Variants in ZNF521 observed in about 807,000 individuals in gnomAD.
ZNF521 encodes the protein zinc finger protein 521.
ZNF521 carries 14 observed loss-of-function variants against 105.5 expected under a neutral mutation model. That is an observed-to-expected ratio of 0.13 (90% confidence interval 0.09 to 0.21). ZNF521 has a LOEUF of 0.21. Ranked by LOEUF, ZNF521 falls within the 10% of genes least tolerant of loss-of-function variation. The pLI is 1.00. For synonymous variants in ZNF521, 635 were observed against 606.0 expected (o/e 1.05, Z -0.70); for missense variants, 1,233 against 1,629.7 (o/e 0.76, Z 4.19).
At chr18:25,076,395 T>A (rs1482232970) in intron 7 of ZNF521, among the ~76,000 whole-genome samples, 3 of 152,216 alleles carry the variant, frequency 2.0e-5, no homozygotes, top group Non-Finnish European at 4.4e-5. Context: ...ACGCAATGGA[T>A]GTGAAACTTA....
At chr18:25,218,991 G>A (rs985391840) in intron 4 of ZNF521, among the ~76,000 whole-genome samples, 97 of 151,956 alleles carry the variant, frequency 6.4e-4, no homozygotes, top group African/African-American at 2.2e-3. Flanking sequence ...TGCAGCCTAC[G>A]CAACTTGAAG....
At chr18:25,197,401 A>C (rs1341236434) in intron 4 of ZNF521, among the ~76,000 whole-genome samples, 1 of 151,912 alleles carries the variant, frequency 6.6e-6, no homozygotes, top group Non-Finnish European at 1.5e-5. Flanking sequence ...GGATGTGTTA[A>C]GGGTTTTCTT....
At chr18:25,212,914 A>C (rs896955473) in intron 4 of ZNF521, among the ~76,000 whole-genome samples, 17 of 151,574 alleles carry the variant, frequency 1.1e-4, no homozygotes, top group African/African-American at 4.1e-4. Context: ...CAACTTTGCT[A>C]AAGTTTTATT....
intron 4 of ZNF521, among the ~76,000 whole-genome samples, chr18:25,212,240 G>A (rs1337930500): frequency 6.6e-6 from 1 of 151,696 alleles, no homozygotes; most frequent in Non-Finnish European, 1.5e-5. Context: ...GGCCGGGCAT[G>A]GTGGCTCACG....
At chr18:25,322,380 G>A in intron 2 of ZNF521, 193 bp from the exon 3 acceptor site, 1 of 718,670 alleles carries the variant, frequency 1.4e-6, no homozygotes, top group East Asian at 2.6e-5. Context: ...GACTATCAAA[G>A]GCCTTCTTCC....
Position 25,352,121 on chromosome 18 carries a change from TCG to T in ZNF521, c.-120_-119del. 1 of 469,298 alleles carries T rather than the reference TCG, an allele frequency of 2.1e-6. No individual in the cohort carries two copies. Among genetic ancestry groups the T allele is most frequent in the South Asian group, 1.5e-5 (1 of 64,620 alleles). 29.1% of individuals were successfully genotyped at this position (469,298 alleles called of 1,614,324 possible). A position where few individuals can be genotyped will look rare whatever the true frequency, so the allele number is the denominator to read the frequency against. On this transcript the variant is annotated 5_prime_UTR_variant, in exon 1 of 8. Coordinates refer to ENST00000361524, the MANE Select transcript of ZNF521 (RefSeq NM_015461.3). ...GAGGGGGCCCCTAACCCGCAGGGAC[TCG>T]CTCTGTACGTAATCACTGAGGAAAT...
chr18:25,241,116 C>A (rs1295539173), intron 3 of ZNF521, among the ~76,000 whole-genome samples: 1 of 152,140 alleles, frequency 6.6e-6, no homozygotes, highest in Non-Finnish European at 1.5e-5. Flanking sequence ...TACCCCAGCA[C>A]CCCATGGGCT....
intron 3 of ZNF521, among the ~76,000 whole-genome samples, chr18:25,304,490 C>A (rs1386252266): frequency 6.6e-6 from 1 of 152,196 alleles, no homozygotes; most frequent in Non-Finnish European, 1.5e-5. Context: ...GCACTTTTTA[C>A]ACACACAGTG....
chr18:25,174,183 G>A (rs1359409740), intron 5 of ZNF521, among the ~76,000 whole-genome samples: 1 of 152,024 alleles, frequency 6.6e-6, no homozygotes, highest in Non-Finnish European at 1.5e-5. Flanking sequence ...CAAAAAATCA[G>A]ATCAGTAATT....
intron 2 of ZNF521, among the ~76,000 whole-genome samples, chr18:25,339,894 C>T (rs1340162946): frequency 6.6e-6 from 1 of 152,096 alleles, no homozygotes; most frequent in East Asian, 1.9e-4. Flanking sequence ...ATTACAACAC[C>T]GACTTGAAAA....
chr18:25,306,854 G>GA (rs11445167), intron 3 of ZNF521, among the ~76,000 whole-genome samples: 126,961 of 145,524 alleles, frequency 0.87, 56,760 homozygotes, highest in Non-Finnish European at 0.97. Context: ...CACAATTCAA[G>GA]AAAAAAAAAA....
intron 3 of ZNF521, among the ~76,000 whole-genome samples, chr18:25,263,935 T>A (rs1218123192): frequency 6.6e-6 from 1 of 152,236 alleles, no homozygotes; most frequent in Non-Finnish European, 1.5e-5. Context: ...TATTAGCTTT[T>A]TCATTAGAAT....
chr18:25,317,193 G>GT (rs35063484), intron 3 of ZNF521, among the ~76,000 whole-genome samples: 53,453 of 151,700 alleles, frequency 0.35, 9,581 homozygotes, highest in Admixed American at 0.38. Context: ...GCTGTAGTAT[G>GT]TGACCACAGA....
chr18:25,321,762 A>AT (rs1912944160), intron 3 of ZNF521, among the ~76,000 whole-genome samples: 1 of 152,220 alleles, frequency 6.6e-6, no homozygotes, highest in Non-Finnish European at 1.5e-5. Flanking sequence ...TGTAAAAAAA[A>AT]GCAAAAAGGA....
chr18:25,195,128 C>G, intron 5 of ZNF521, 32 bp downstream of exon 5: 1 of 1,478,548 alleles, frequency 6.8e-7, no homozygotes. Context: ...GAAGAAACAT[C>G]TATCTGTAAT....
intron 4 of ZNF521, 32 bp from the exon 5 acceptor site, chr18:25,195,276 G>C (rs748838907): frequency 6.9e-7 from 1 of 1,456,574 alleles, no homozygotes; most frequent in Non-Finnish European, 9.4e-7. Flanking sequence ...GAGTTACTTA[G>C]ACACATGGAC....
Position 25,332,657 on chromosome 18 carries a change from C to G in ZNF521, c.41-10470G>C, listed in dbSNP as rs549554407. On this transcript the variant is annotated intron_variant, in intron 2 of 7. Coordinates refer to ENST00000361524, the MANE Select transcript of ZNF521 (RefSeq NM_015461.3). ...GCATCATTTGTTTTAAATTTTTTAA[C>G]TGCACTTTTCATTTCCTAGGACACA... 1.1e-4 allele frequency among the ~76,000 whole-genome samples: 17 copies of G among 152,246 alleles called. No individual in the cohort carries two copies. In the South Asian group the frequency reaches 3.3e-3, roughly 30 times the overall value.
intron 5 of ZNF521, among the ~76,000 whole-genome samples, chr18:25,179,100 T>C: frequency 1.1e-5 from 1 of 91,130 alleles, no homozygotes; most frequent in Admixed American, 1.1e-4. Flanking sequence ...TGACTTATAC[T>C]TCTTTTTCTT....
At chr18:25,069,157 T>A (rs1424037247) in intron 7 of ZNF521, among the ~76,000 whole-genome samples, 1 of 152,210 alleles carries the variant, frequency 6.6e-6, no homozygotes, top group African/African-American at 2.4e-5. Context: ...TCAATACATA[T>A]TCTATTAAAT....
Sources: allele counts gnomAD v4.1 joint callset (sites outside exome capture counted in the v4.1 genomes callset), GRCh38; gene constraint gnomAD v4.1.1; transcripts MANE v1.5; gene names NCBI Gene and HGNC (gene_info 2026-07-23, HGNC 2026-07-21).